Variants in VPS41 observed in about 807,000 individuals in gnomAD.
VPS41 encodes the protein VPS41 subunit of HOPS complex.
Under a neutral mutation model 130.9 loss-of-function variants are expected in VPS41, and 85 were observed. The ratio of observed to expected loss-of-function variants is 0.65; its 90% CI spans 0.55 to 0.78. VPS41 has a LOEUF of 0.78. VPS41 is among the 30% of genes least tolerant of loss of function. VPS41 has a pLI of 0.00. For missense variants in VPS41, 874 were observed against 1,018.7 expected (o/e 0.86, Z 1.93); for synonymous variants, 335 against 332.9 (o/e 1.01, Z -0.07).
chr7:38,784,224 A>G (rs865887278), intron 10 of VPS41, among the ~76,000 whole-genome samples: 1 of 152,220 alleles, frequency 6.6e-6, no homozygotes, highest in Middle Eastern at 3.2e-3. Context: ...CCCTATGGTT[A>G]TTTTAGAGAG....
At chr7:38,895,512 A>G (rs1159883335) in intron 2 of VPS41, among the ~76,000 whole-genome samples, 2 of 151,972 alleles carry the variant, frequency 1.3e-5, no homozygotes, top group Non-Finnish European at 2.9e-5. Flanking sequence ...TGTCATTTCA[A>G]TTCATTTTTA....
At chr7:38,791,605 G>C (rs1784538411) in intron 9 of VPS41, among the ~76,000 whole-genome samples, 1 of 152,160 alleles carries the variant, frequency 6.6e-6, no homozygotes. Context: ...AAGCAGGAGA[G>C]ACAACACAGG....
At position 38,795,456 on chromosome 7, in the gene VPS41, CAA is replaced by C; in HGVS notation, c.717+7_717+8del. ...AACACGGACTTATTATAAAGACAAGCAAAACCACCTTGACAGAAGTCCCCCAG... is the reference window on the plus strand; with the variant it reads ...AACACGGACTTATTATAAAGACAAGCAACCACCTTGACAGAAGTCCCCCAG... On this transcript the variant is annotated splice_region_variant and intron_variant, in intron 9 of 28. Transcript: ENST00000310301. 1 of 1,607,984 alleles carries C rather than the reference CAA, an allele frequency of 6.2e-7. No individual in the cohort carries two copies. Among genetic ancestry groups the C allele is most frequent in the Non-Finnish European group, 8.5e-7 (1 of 1,176,758 alleles).
At chr7:38,876,210 T>C (rs919616646) in intron 2 of VPS41, among the ~76,000 whole-genome samples, 1 of 152,174 alleles carries the variant, frequency 6.6e-6, no homozygotes, top group African/African-American at 2.4e-5. Flanking sequence ...AAAGTGCCAG[T>C]AGCCCCAAGG....
intron 7 of VPS41, among the ~76,000 whole-genome samples, chr7:38,807,737 T>C (rs1391980457): frequency 1.3e-5 from 2 of 152,196 alleles, no homozygotes; most frequent in African/African-American, 4.8e-5. Context: ...ATGACTGCAA[T>C]TGTGACCCCT....
chr7:38,763,497 G>A lies in VPS41; in HGVS notation c.1380C>T (p.Ile460=), dbSNP rs1342437029. The change falls in exon 17 of 29, where the codon ATC becomes ATT. Residue 460 remains isoleucine, a synonymous_variant. Coordinates refer to ENST00000310301, the MANE Select transcript of VPS41 (RefSeq NM_014396.4). ...AAAATTCATGTAAGATCATTTCATA[G>A]ATGAGTGGTTTCAGAACTGGATCAC... ...PRGDPVLKPL[I]YEMILHEFLE... 6.2e-7 allele frequency: 1 copy of A among 1,608,190 alleles called. No individual in the cohort carries two copies. Among genetic ancestry groups the A allele is most frequent in the East Asian group, 2.3e-5 (1 of 44,444 alleles).
intron 25 of VPS41, among the ~76,000 whole-genome samples, chr7:38,739,214 T>C (rs1013245785): frequency 5.9e-5 from 9 of 152,218 alleles, no homozygotes; most frequent in Non-Finnish European, 1.0e-4. Flanking sequence ...TGAATGGTTC[T>C]TGATAGCCCC....
intron 25 of VPS41, 55 bp from the exon 26 acceptor site, chr7:38,728,846 G>A (rs2115558473): frequency 6.7e-7 from 1 of 1,488,176 alleles, no homozygotes; most frequent in Non-Finnish European, 9.4e-7. Context: ...AATCTGAGGG[G>A]TGAAGGGACA....
At position 38,795,543 on chromosome 7, in the gene VPS41, A is replaced by T; in HGVS notation, c.639T>A (p.Leu213=). ...ITNVPRDDIS[L]RPDMYPCSLC... is the part of the protein sequence containing the mutation. ...GGCTGCAGGGATACATGTCTGGGCG[A>T]AGACTTATATCATCCCGGGGCACAT... The change falls in exon 9 of 29, where the codon CTT becomes CTA. Residue 213 remains leucine, a synonymous_variant. Coordinates refer to ENST00000310301, the MANE Select transcript of VPS41 (RefSeq NM_014396.4). 2 of 1,613,780 alleles carry T rather than the reference A, an allele frequency of 1.2e-6. No homozygotes were observed. The highest frequency in any genetic ancestry group is 1.7e-6 in the Non-Finnish European group (2 of 1,179,762).
At chr7:38,827,335 G>T (rs1038789235) in intron 5 of VPS41, among the ~76,000 whole-genome samples, 1 of 152,160 alleles carries the variant, frequency 6.6e-6, no homozygotes, top group African/African-American at 2.4e-5. Context: ...GGCTAAAAAT[G>T]AGAAAGCAAA....
chr7:38,832,634 T>C (rs565286503), intron 4 of VPS41, among the ~76,000 whole-genome samples: 1 of 152,186 alleles, frequency 6.6e-6, no homozygotes, highest in Non-Finnish European at 1.5e-5. Flanking sequence ...CTTTGGCTTT[T>C]CTCAAGTACT....
At chr7:38,814,116 T>C (rs369942265) in intron 7 of VPS41, among the ~76,000 whole-genome samples, 1 of 152,228 alleles carries the variant, frequency 6.6e-6, no homozygotes, top group East Asian at 1.9e-4. Flanking sequence ...GCACTGCTCA[T>C]GGATCTACTC....
At position 38,795,801 on chromosome 7, in the gene VPS41, C is replaced by T. The variant is rs549599683; in HGVS notation, c.571-190G>A. ...AACTAAAACCACAAGGAAACCTCCA[C>T]CCTTCTTTCTGGACAAAGGAGATTT... On this transcript the variant is annotated intron_variant, in intron 8 of 28. Transcript: ENST00000310301. Among the ~76,000 whole-genome samples, 8 of 152,300 alleles carry T rather than the reference C, an allele frequency of 5.3e-5. 1 individual carries two copies. The South Asian group carries it at 1.4e-3, about 28-fold the overall frequency.
chr7:38,889,684 G>A (rs913802247), intron 2 of VPS41, among the ~76,000 whole-genome samples: 3 of 152,024 alleles, frequency 2.0e-5, no homozygotes, highest in Non-Finnish European at 4.4e-5. Context: ...TGGCTAATAG[G>A]AGTTTTCCAT....
At chr7:38,859,718 C>T (rs1390239005) in intron 4 of VPS41, among the ~76,000 whole-genome samples, 2 of 152,132 alleles carry the variant, frequency 1.3e-5, no homozygotes, top group Non-Finnish European at 2.9e-5. Flanking sequence ...CCTAACGCCA[C>T]ATTTCTCAGA....
At chr7:38,875,686 C>T (rs767521144) in intron 2 of VPS41, among the ~76,000 whole-genome samples, 1 of 152,116 alleles carries the variant, frequency 6.6e-6, no homozygotes, top group Non-Finnish European at 1.5e-5. Flanking sequence ...AATGACCAAA[C>T]TTTTTAAGAA....
At chr7:38,857,349 G>C (rs913042455) in intron 4 of VPS41, among the ~76,000 whole-genome samples, 1 of 151,918 alleles carries the variant, frequency 6.6e-6, no homozygotes, top group Admixed American at 6.5e-5. Flanking sequence ...GTGCCTTACA[G>C]CAAAACCTCA....
At chr7:38,771,401 T>G in intron 13 of VPS41, 147 bp from the exon 14 acceptor site, 1 of 584,462 alleles carries the variant, frequency 1.7e-6, no homozygotes, top group Non-Finnish European at 2.9e-6. Flanking sequence ...CGAATAAAGC[T>G]CCATTTTCCC....
At chr7:38,732,439 T>C (rs1795683681) in intron 25 of VPS41, among the ~76,000 whole-genome samples, 1 of 152,218 alleles carries the variant, frequency 6.6e-6, no homozygotes, top group African/African-American at 2.4e-5. Context: ...TAAAAATATC[T>C]TCCCTCTTGA....
Sources: allele counts gnomAD v4.1 joint callset (sites outside exome capture counted in the v4.1 genomes callset), GRCh38; gene constraint gnomAD v4.1.1; transcripts MANE v1.5; gene names NCBI Gene and HGNC (gene_info 2026-07-23, HGNC 2026-07-21).